The following SLC9C1 variants were observed in gnomAD, a reference collection of about 807,000 sequenced individuals.
SLC9C1 encodes solute carrier family 9 member C1, also known as sodium/hydrogen exchanger 10.
A neutral mutation model predicts 140.9 loss-of-function variants in SLC9C1; 97 were observed. The observed-to-expected ratio is 0.69, with a 90% CI of 0.58 to 0.82. The LOEUF (loss-of-function observed/expected upper bound fraction) is 0.82, where lower values mean the gene tolerates loss of function less well. Among genes scored for constraint, SLC9C1 ranks in the 40% least tolerant of loss-of-function variants. The probability of loss-of-function intolerance (pLI) is 0.00; values close to 1 mark genes in which losing one functional copy is unlikely to be tolerated. For synonymous variants in SLC9C1, 440 were observed against 442.6 expected (o/e 0.99, Z 0.07); for missense variants, 1,340 against 1,389.3 (o/e 0.96, Z 0.56).
At chr3:112,287,861 G>A (rs6766123) in intron 1 of SLC9C1, among the ~76,000 whole-genome samples, 44,739 of 151,778 alleles carry the variant, frequency 0.29, 7,007 homozygotes, top group East Asian at 0.44. Flanking sequence ...TCCTGGTATG[G>A]TGAAACCCGG....
intron 10 of SLC9C1, among the ~76,000 whole-genome samples, chr3:112,247,607 C>G (rs952849673): frequency 5.9e-5 from 9 of 152,078 alleles, no homozygotes; most frequent in African/African-American, 2.2e-4. Context: ...TGGCGTCCAT[C>G]CACCTACTAA....
chr3:112,230,931 A>C (rs1182950804), intron 13 of SLC9C1, among the ~76,000 whole-genome samples: 1 of 152,218 alleles, frequency 6.6e-6, no homozygotes, highest in Non-Finnish European at 1.5e-5. Context: ...CTGTATCATT[A>C]CATGAAAAAC....
At chr3:112,263,152 A>C (rs2079825426) in intron 9 of SLC9C1, 54 bp from the exon 10 acceptor site, 2 of 1,444,602 alleles carry the variant, frequency 1.4e-6, no homozygotes, top group Non-Finnish European at 1.9e-6. Context: ...GTTTCTTTCC[A>C]TTTCATGCTA....
chr3:112,164,279 G>T (rs2107899589), intron 26 of SLC9C1, among the ~76,000 whole-genome samples: 1 of 149,558 alleles, frequency 6.7e-6, no homozygotes. Flanking sequence ...TACATTTAAA[G>T]TTAATATTGT....
In SLC9C1 at chr3:112,263,075, C is replaced by A. The variant is rs1185828576; in HGVS notation, c.1046G>T (p.Ser349Ile). 2 of 1,576,634 alleles carry A rather than the reference C, an allele frequency of 1.3e-6. No individual in the cohort carries two copies. Among genetic ancestry groups the A allele is most frequent in the Admixed American group, 2.0e-5 (1 of 50,204 alleles). ...ATGACCAACTCGAGACAAAACAGGG[C>A]TTATTAAAAGAAGGGTCAGAAATCT... ...VLRFLTLLLI[S>I]PVLSRVGHEF... Residue 349 changes from serine to isoleucine, a missense_variant, in exon 10 of 29, where the codon AGC becomes ATC. Physicochemically the swap from Ser to Ile is moderately radical, Grantham distance 142. Transcript: ENST00000305815.
intron 10 of SLC9C1, among the ~76,000 whole-genome samples, chr3:112,256,728 A>G (rs1292701249): frequency 6.6e-6 from 1 of 152,174 alleles, no homozygotes; most frequent in Non-Finnish European, 1.5e-5. Flanking sequence ...TCAATCAGGC[A>G]AGAGAAAGAA....
chr3:112,231,639 A>C (rs775211093), intron 12 of SLC9C1, among the ~76,000 whole-genome samples, 153 bp from the exon 13 acceptor site: 5 of 152,202 alleles, frequency 3.3e-5, no homozygotes, highest in Admixed American at 6.6e-5. Context: ...CATTTGCTCA[A>C]ATGTCCTAAT....
chr3:112,226,733 C>T (rs80227534), intron 13 of SLC9C1, among the ~76,000 whole-genome samples: 1 of 120,542 alleles, frequency 8.3e-6, no homozygotes, highest in African/African-American at 3.0e-5. Context: ...CCCCATCCCC[C>T]CACACACAAA....
rs142359703 is a variant in SLC9C1 at position 112,149,327 on chromosome 3, A to G, written c.3524+2530T>C. 1.0e-3 allele frequency among the ~76,000 whole-genome samples: 151 copies of G among 150,302 alleles called. 3 individuals carry two copies. The East Asian group carries it at 0.013, about 13-fold the overall frequency. On this transcript the variant is annotated intron_variant, in intron 28 of 28. Transcript: ENST00000305815. ...TCAGTGGGTACTCTGAATGCCGGTG[A>G]TCTGCCTGGGCATGAAGCAGAGAGA...
Position 112,255,581 on chromosome 3 carries a change from G to T in SLC9C1, c.1197+7343C>A, listed in dbSNP as rs551850895. Among the ~76,000 whole-genome samples, 11 of 152,182 alleles carry T rather than the reference G, an allele frequency of 7.2e-5. No homozygotes were observed. The East Asian group carries it at 1.9e-3, about 27-fold the overall frequency. The stretch of plus-strand genomic sequence containing the variant: ...CCAGAATTTCTGGGACACAGCTAAG[G>T]CAATGTCAAGAGAGAAATTTATATC... On this transcript the variant is annotated intron_variant, in intron 10 of 28. Coordinates refer to ENST00000305815, the MANE Select transcript of SLC9C1 (RefSeq NM_183061.3).
chr3:112,150,807 T>A (rs2074941584), intron 28 of SLC9C1, among the ~76,000 whole-genome samples: 4 of 48,440 alleles, frequency 8.3e-5, no homozygotes, highest in African/African-American at 3.5e-4. Context: ...TATATATATA[T>A]ATAAATACAT....
chr3:112,287,890 A>G (rs1326618927), intron 1 of SLC9C1, among the ~76,000 whole-genome samples: 1 of 152,006 alleles, frequency 6.6e-6, no homozygotes, highest in Non-Finnish European at 1.5e-5. Context: ...AAAAATACAA[A>G]AAATTAGCCG....
In SLC9C1 at chr3:112,140,917, C is replaced by T. The variant is rs903630435; in HGVS notation, c.*355G>A. On this transcript the variant is annotated 3_prime_UTR_variant, in exon 29 of 29. Transcript: ENST00000305815. Reference sequence around the variant, plus strand: ...ACAGCATTTAAACTATATTTTAATACATTTTATTTTTCATAAAGTGAACCA... The same window carrying T: ...ACAGCATTTAAACTATATTTTAATATATTTTATTTTTCATAAAGTGAACCA... The T allele has an allele frequency of 2.2e-5, 4 of 180,418 alleles. No homozygotes were observed. Among genetic ancestry groups the T allele is most frequent in the African/African-American group, 9.4e-5 (4 of 42,568 alleles). The allele number at this position is 180,418 out of a possible 1,614,324, so 11.2% of individuals were successfully genotyped here.
intron 1 of SLC9C1, among the ~76,000 whole-genome samples, chr3:112,291,952 A>C (rs995942634): frequency 2.0e-5 from 3 of 152,228 alleles, no homozygotes; most frequent in African/African-American, 7.2e-5. Context: ...AAAGAATGAG[A>C]TCATGTCCTT....
intron 23 of SLC9C1, among the ~76,000 whole-genome samples, chr3:112,175,911 C>T (rs141892851): frequency 6.6e-6 from 1 of 152,346 alleles, no homozygotes; most frequent in East Asian, 1.9e-4. Context: ...GCTGGATTTC[C>T]AAGCCAGTGG....
chr3:112,165,698 G>A (rs747549437), intron 26 of SLC9C1, among the ~76,000 whole-genome samples: 32 of 152,216 alleles, frequency 2.1e-4, no homozygotes, highest in Non-Finnish European at 4.3e-4. Context: ...GTGCCTCCCA[G>A]TTAGGCTACT....
intron 10 of SLC9C1, among the ~76,000 whole-genome samples, chr3:112,257,935 T>A (rs2079655609): frequency 6.6e-6 from 1 of 152,210 alleles, no homozygotes; most frequent in Non-Finnish European, 1.5e-5. Context: ...AACAAGCATA[T>A]TTTAAAAAGC....
chr3:112,217,657 T>C, intron 14 of SLC9C1, 96 bp from the exon 15 acceptor site: 2 of 1,123,676 alleles, frequency 1.8e-6, no homozygotes, highest in African/African-American at 1.6e-5. Flanking sequence ...AGTTTAATTT[T>C]GCACAAAACA....
chr3:112,191,351 G>A (rs557894657), intron 20 of SLC9C1, among the ~76,000 whole-genome samples: 97 of 152,160 alleles, frequency 6.4e-4, no homozygotes, highest in Middle Eastern at 3.4e-3. Flanking sequence ...CCTTTATTGC[G>A]TTGAGATACA....
Sources: allele counts gnomAD v4.1 joint callset (sites outside exome capture counted in the v4.1 genomes callset), GRCh38; gene constraint gnomAD v4.1.1; transcripts MANE v1.5; gene names NCBI Gene and HGNC (gene_info 2026-07-23, HGNC 2026-07-21).